VAV2: variants seen among roughly 807,000 people sequenced by gnomAD.
VAV2 encodes guanine nucleotide exchange factor VAV2.
VAV2 carries 67 observed loss-of-function variants against 132.5 expected under a neutral mutation model. The ratio of observed to expected loss-of-function variants is 0.51; its 90% CI spans 0.42 to 0.62. The LOEUF (loss-of-function observed/expected upper bound fraction) is 0.62. Among genes scored for constraint, VAV2 ranks in the 20% least tolerant of loss-of-function variants. The pLI, the probability that VAV2 is intolerant of heterozygous loss-of-function variation, is 0.00. For synonymous variants in VAV2, 492 were observed against 443.5 expected (o/e 1.11, Z -1.37); for missense variants, 938 against 1,153.6 (o/e 0.81, Z 2.71).
intron 7 of VAV2, 140 bp from the exon 8 acceptor site, chr9:133,807,466 G>A (rs890923026): frequency 1.3e-5 from 10 of 776,120 alleles, no homozygotes; most frequent in Non-Finnish European, 1.8e-5. Context: ...CCTGTGTTCT[G>A]GCCACATCGG....
In VAV2 at chr9:133,884,353, C is replaced by T. The variant is rs1838617108; in HGVS notation, c.322-22921G>A. ...GACCCCAGGCTCCTCCAAAGTACAA[C>T]TCAAAGGACGCTCATCAAAGCAGTG... On this transcript the variant is annotated intron_variant, in intron 2 of 29. Coordinates refer to ENST00000371850, the MANE Select transcript of VAV2 (RefSeq NM_001134398.2). This position sits in a 1 kb window ranked among gnomAD's most constrained non-coding sequence, Gnocchi z 5.3. 6.6e-6 allele frequency among the ~76,000 whole-genome samples: 1 copy of T among 152,240 alleles called. No individual in the cohort carries two copies. Among genetic ancestry groups the T allele is most frequent in the African/African-American group, 2.4e-5 (1 of 41,460 alleles).
chr9:133,775,362 AG>A (rs1250326504), intron 24 of VAV2, among the ~76,000 whole-genome samples: 9 of 152,194 alleles, frequency 5.9e-5, no homozygotes, highest in Admixed American at 2.0e-4. Flanking sequence ...ACAGACCCCA[AG>A]GGCCTGCCAG....
intron 19 of VAV2, among the ~76,000 whole-genome samples, chr9:133,783,224 T>C (rs1834072850): frequency 6.6e-6 from 1 of 152,164 alleles, no homozygotes; most frequent in Non-Finnish European, 1.5e-5. Flanking sequence ...AGAAGCTTCC[T>C]CCTGGAGTGG....
intron 3 of VAV2, among the ~76,000 whole-genome samples, chr9:133,855,165 C>G (rs1206497616): frequency 1.3e-5 from 2 of 152,220 alleles, no homozygotes; most frequent in Non-Finnish European, 2.9e-5. Context: ...AGCAAAGACT[C>G]AGGGGAGAAG....
At position 133,863,546 on chromosome 9, in the gene VAV2, C is replaced by T. The variant is rs548972552; in HGVS notation, c.322-2114G>A. Among the ~76,000 whole-genome samples the T allele has an allele frequency of 6.6e-6, 1 of 152,332 alleles. No individual in the cohort carries two copies. The highest frequency in any genetic ancestry group is 2.1e-4 in the South Asian group (1 of 4,828). On this transcript the variant is annotated intron_variant, in intron 2 of 29. Transcript: ENST00000371850. This position sits in a 1 kb window ranked among gnomAD's most constrained non-coding sequence, Gnocchi z 5.0. ...CTGTGGCCCCTGTGGACAATTTCTACAGCTGCTATGACCACAGCAGCCTCA... is the reference window on the plus strand; with the variant it reads ...CTGTGGCCCCTGTGGACAATTTCTATAGCTGCTATGACCACAGCAGCCTCA...
chr9:133,985,887 T>A (rs1842843736), intron 1 of VAV2, among the ~76,000 whole-genome samples: 2 of 151,428 alleles, frequency 1.3e-5, no homozygotes, highest in African/African-American at 4.9e-5. Flanking sequence ...ATGCATGGAA[T>A]AAAATAGGAA....
intron 2 of VAV2, among the ~76,000 whole-genome samples, chr9:133,872,335 G>A (rs1838088954): frequency 6.6e-6 from 1 of 152,238 alleles, no homozygotes. Flanking sequence ...TTCCATGGCT[G>A]TGCTGGGTGG....
At chr9:133,979,373 T>C (rs935779041) in intron 1 of VAV2, among the ~76,000 whole-genome samples, 3 of 152,092 alleles carry the variant, frequency 2.0e-5, no homozygotes, top group African/African-American at 4.8e-5. Context: ...GTGTGTGCGG[T>C]CTCCACCCTA....
At chr9:133,872,616 G>A (rs112082135) in intron 2 of VAV2, among the ~76,000 whole-genome samples, 2 of 152,132 alleles carry the variant, frequency 1.3e-5, no homozygotes, top group African/African-American at 2.4e-5. Flanking sequence ...GGTCAGAGTC[G>A]CTTTGTGCAC....
chr9:133,880,892 T>C (rs1224250589), intron 2 of VAV2, among the ~76,000 whole-genome samples: 1 of 152,272 alleles, frequency 6.6e-6, no homozygotes, highest in African/African-American at 2.4e-5. Flanking sequence ...TCCAGGACAC[T>C]GGCCGTGGCT....
intron 22 of VAV2, among the ~76,000 whole-genome samples, chr9:133,777,892 C>G (rs1833871508): frequency 1.3e-5 from 2 of 152,186 alleles, no homozygotes; most frequent in African/African-American, 4.8e-5. Flanking sequence ...ATCATTGTAA[C>G]CTGAACATTA....
At position 133,806,067 on chromosome 9, in the gene VAV2, C is replaced by T. The variant is rs376819362; in HGVS notation, c.836+14G>A. 1.1e-4 allele frequency: 182 copies of T among 1,609,826 alleles called. No homozygotes were observed. The highest frequency in any genetic ancestry group is 1.1e-3 in the African/African-American group (81 of 74,944). On this transcript the variant is annotated intron_variant, in intron 9 of 29. Coordinates refer to ENST00000371850, the MANE Select transcript of VAV2 (RefSeq NM_001134398.2). ...GGAGGGGCCAAGGAGCCCCAGGAGC[C>T]GGCAGCCACTCACCTTTCCTTGAAA... is the stretch of plus-strand genomic sequence containing the variant.
chr9:133,862,639 G>A (rs1178312785), intron 2 of VAV2, among the ~76,000 whole-genome samples: 4 of 152,212 alleles, frequency 2.6e-5, no homozygotes, highest in South Asian at 2.1e-4. Flanking sequence ...GCCACGTGCC[G>A]AATTCATAGA....
intron 1 of VAV2, among the ~76,000 whole-genome samples, chr9:133,990,461 G>T (rs1399121871): frequency 6.6e-6 from 1 of 152,104 alleles, no homozygotes; most frequent in Admixed American, 6.5e-5. Context: ...GCTGGGGAGG[G>T]GCAGCCCCCG....
Position 133,833,639 on chromosome 9 carries a change from C to T in VAV2, c.449+633G>A, listed in dbSNP as rs557098918. 2.7e-4 allele frequency among the ~76,000 whole-genome samples: 41 copies of T among 152,238 alleles called. No homozygotes were observed. The highest frequency in any genetic ancestry group is 2.0e-3 in the Admixed American group (31 of 15,312). On this transcript the variant is annotated intron_variant, in intron 4 of 29. Coordinates refer to ENST00000371850, the MANE Select transcript of VAV2 (RefSeq NM_001134398.2). This position sits in a 1 kb window ranked among gnomAD's most constrained non-coding sequence, Gnocchi z 5.6. The stretch of plus-strand genomic sequence containing the variant: ...CCCTCCTACCTCCCTCCTCCTGGAG[C>T]GGGCCACGTGATCCCACCCTGGTCA...
intron 2 of VAV2, among the ~76,000 whole-genome samples, chr9:133,897,415 T>TG (rs1349091931): frequency 2.0e-5 from 3 of 152,144 alleles, no homozygotes; most frequent in Non-Finnish European, 2.9e-5. Flanking sequence ...ACCCACCATC[T>TG]GGCCCATCCC....
rs1370172958 is a variant in VAV2, at chr9:133,856,551, C to T, written c.380+4823G>A. Reference sequence around the variant, plus strand: ...CCACATAGCTGGGCCTTCAGACAGCCTCCCAGCCAATCCAGGGGGCTCTGC... The same window carrying T: ...CCACATAGCTGGGCCTTCAGACAGCTTCCCAGCCAATCCAGGGGGCTCTGC... On this transcript the variant is annotated intron_variant, in intron 3 of 29. Coordinates refer to ENST00000371850, the MANE Select transcript of VAV2 (RefSeq NM_001134398.2). Among the ~76,000 whole-genome samples, 6 of 152,312 alleles carry T rather than the reference C, an allele frequency of 3.9e-5. No homozygotes were observed. In the South Asian group the frequency reaches 1.2e-3, roughly 32 times the overall value.
intron 4 of VAV2, among the ~76,000 whole-genome samples, chr9:133,825,509 T>C (rs1450922132): frequency 6.6e-6 from 1 of 152,122 alleles, no homozygotes; most frequent in Non-Finnish European, 1.5e-5. Flanking sequence ...AAAACAATCC[T>C]CTGGGGTGAA....
At chr9:133,967,858 ACG>A (rs1384595180) in intron 1 of VAV2, among the ~76,000 whole-genome samples, 53 of 146,032 alleles carry the variant, frequency 3.6e-4, no homozygotes, top group African/African-American at 1.3e-3. Flanking sequence ...GCTTGAACCC[ACG>A]AGGTGGAGGT....
Sources: gnomAD v4.1 joint callset for allele counts (sites outside exome capture counted in the v4.1 genomes callset) on GRCh38, gnomAD v4.1.1 for gene constraint, Gnocchi (gnomAD v3.1) non-coding constraint, MANE v1.5 for transcripts, NCBI Gene and HGNC (gene_info 2026-07-23, HGNC 2026-07-21) for gene names.